Variants in RAE1 observed in about 807,000 individuals in gnomAD.
The protein encoded by RAE1 is ribonucleic acid export 1.
Under a neutral mutation model 52.7 loss-of-function variants are expected in RAE1, and 13 were observed. The observed-to-expected ratio is 0.25, with a 90% CI of 0.16 to 0.39. RAE1 has a LOEUF of 0.39. Among genes scored for constraint, RAE1 ranks in the 10% least tolerant of loss-of-function variants. RAE1 has a pLI of 1.00. For synonymous variants in RAE1, 164 were observed against 153.1 expected (o/e 1.07, Z -0.52); for missense variants, 262 against 459.8 (o/e 0.57, Z 3.93).
intron 11 of RAE1, among the ~76,000 whole-genome samples, chr20:57,376,054 C>T (rs1600730767): frequency 6.6e-6 from 1 of 152,354 alleles, no homozygotes; most frequent in East Asian, 1.9e-4. Flanking sequence ...TTGGTTCGGG[C>T]CCTGCCCGCT....
At chr20:57,355,910 A>G (rs1160082881) in intron 3 of RAE1, among the ~76,000 whole-genome samples, 2 of 152,236 alleles carry the variant, frequency 1.3e-5, no homozygotes, top group Non-Finnish European at 2.9e-5. Flanking sequence ...AGGTGAGGAA[A>G]GCTGTAGCTG....
At chr20:57,377,420 TGC>T (rs2067131760) in intron 11 of RAE1, among the ~76,000 whole-genome samples, 2 of 152,220 alleles carry the variant, frequency 1.3e-5, no homozygotes, top group African/African-American at 4.8e-5. Flanking sequence ...GGCCTCCCTC[TGC>T]CATTCACAGC....
At chr20:57,363,381 C>T (rs188306796) in intron 4 of RAE1, among the ~76,000 whole-genome samples, 6 of 152,222 alleles carry the variant, frequency 3.9e-5, no homozygotes, top group East Asian at 1.9e-4. Context: ...GGTTTGGTGG[C>T]GCACACCTGT....
intron 2 of RAE1, among the ~76,000 whole-genome samples, 164 bp downstream of exon 2, chr20:57,354,292 G>A (rs565809218): frequency 6.1e-4 from 93 of 152,316 alleles, no homozygotes; most frequent in Admixed American, 1.2e-3. Flanking sequence ...ATGTGTCCCC[G>A]TACTTGTGTC....
rs547875455 is a variant in RAE1, at chr20:57,361,066, C to T, written c.289-4290C>T. ...TAAGCTACATTAACTGTGTAGAATACTTAAGTGGAAAATTAAAGTATGAGA... is the reference window on the plus strand; with the variant it reads ...TAAGCTACATTAACTGTGTAGAATATTTAAGTGGAAAATTAAAGTATGAGA... On this transcript the variant is annotated intron_variant, in intron 4 of 11. Transcript: ENST00000395841. Among the ~76,000 whole-genome samples the T allele has an allele frequency of 2.0e-5, 3 of 151,334 alleles. No individual in the cohort carries two copies. The South Asian group carries it at 6.3e-4, about 32-fold the overall frequency.
intron 8 of RAE1, chr20:57,372,385 T>C (rs2067048935): frequency 6.6e-6 from 1 of 152,230 alleles, no homozygotes; most frequent in Admixed American, 6.5e-5. Context: ...GGCCTCTCCG[T>C]TGTTGAGAAC....
intron 11 of RAE1, among the ~76,000 whole-genome samples, chr20:57,377,446 C>G (rs2067132059): frequency 6.6e-6 from 1 of 152,216 alleles, no homozygotes; most frequent in Non-Finnish European, 1.5e-5. Flanking sequence ...GTAGTCTGGC[C>G]TCATCCTGAT....
chr20:57,355,760 G>A (rs1399576424), intron 3 of RAE1, among the ~76,000 whole-genome samples: 2 of 152,198 alleles, frequency 1.3e-5, no homozygotes, highest in Non-Finnish European at 2.9e-5. Context: ...CAGCACAGGG[G>A]CAGCAGGGGT....
chr20:57,367,754 AAAAG>A (rs1319544958), intron 7 of RAE1, among the ~76,000 whole-genome samples: 1 of 151,920 alleles, frequency 6.6e-6, no homozygotes, highest in African/African-American at 2.4e-5. Context: ...AAAAAAAAAA[AAAAG>A]GAAAGAAAAA....
chr20:57,351,919 G>A lies in RAE1; in HGVS notation c.-8+497G>A, dbSNP rs560616847. 146 of 985,472 alleles carry A rather than the reference G, an allele frequency of 1.5e-4. No individual in the cohort carries two copies. The African/African-American group carries it at 2.4e-3, about 16-fold the overall frequency. 61.0% of individuals were successfully genotyped at this position (985,472 alleles called of 1,614,324 possible). Reference sequence around the variant, plus strand: ...CCACCGTACAGGCAGTACTTCTCCAGGCAAGTAGTATTAAACACCAGCCGC... The same window carrying A: ...CCACCGTACAGGCAGTACTTCTCCAAGCAAGTAGTATTAAACACCAGCCGC... On this transcript the variant is annotated intron_variant, in intron 1 of 11. Transcript: ENST00000395841.
rs1227486788 is a variant in RAE1, at chr20:57,378,758, GA to G, written c.*660del. ...CAGATTTCCGAGTGACTCAAATGGG[GA>G]CTGTTACTTGTGCTGGGTGACAGGC... On this transcript the variant is annotated 3_prime_UTR_variant, in exon 12 of 12. Transcript: ENST00000395841. 6.6e-6 allele frequency: 1 copy of G among 152,236 alleles called. No individual in the cohort carries two copies. Among genetic ancestry groups the G allele is most frequent in the Non-Finnish European group, 1.5e-5 (1 of 68,066 alleles). The allele number at this position is 152,236 out of a possible 1,614,324, so 9.4% of individuals were successfully genotyped here.
intron 11 of RAE1, 56 bp from the exon 12 acceptor site, chr20:57,377,957 C>T: frequency 7.3e-7 from 1 of 1,375,828 alleles, no homozygotes; most frequent in Non-Finnish European, 1.0e-6. Context: ...AAAGCACCTA[C>T]AAATGCTAAC....
intron 11 of RAE1, among the ~76,000 whole-genome samples, 172 bp from the exon 12 acceptor site, chr20:57,377,841 T>A (rs1378588349): frequency 6.6e-6 from 1 of 152,150 alleles, no homozygotes; most frequent in African/African-American, 2.4e-5. Flanking sequence ...CTTAGGCCTT[T>A]CTCTGAGGAC....
At chr20:57,371,503 C>T (rs1262265457) in intron 8 of RAE1, 1 of 152,222 alleles carries the variant, frequency 6.6e-6, no homozygotes, top group African/African-American at 2.4e-5. Flanking sequence ...ACAAAAACCA[C>T]AGTGAGATAC....
At chr20:57,376,839 G>A (rs1412907965) in intron 11 of RAE1, among the ~76,000 whole-genome samples, 1 of 152,148 alleles carries the variant, frequency 6.6e-6, no homozygotes, top group African/African-American at 2.4e-5. Flanking sequence ...TACGTTATAC[G>A]CGTTAAAAAA....
intron 2 of RAE1, 58 bp from the exon 3 acceptor site, chr20:57,354,651 AAAC>A: frequency 7.9e-7 from 1 of 1,271,396 alleles, no homozygotes; most frequent in Non-Finnish European, 1.1e-6. Context: ...GTGAGAAAGA[AAAC>A]AATTTGGAAT....
intron 4 of RAE1, chr20:57,358,868 T>G (rs1032683929): frequency 9.7e-7 from 1 of 1,028,974 alleles, no homozygotes; most frequent in African/African-American, 1.7e-5. Flanking sequence ...ACCAAAATTT[T>G]TAATGCAGGG....
At chr20:57,358,023 A>G (rs1199488899) in intron 4 of RAE1, 4 of 152,234 alleles carry the variant, frequency 2.6e-5, no homozygotes, top group Non-Finnish European at 5.9e-5. Flanking sequence ...CATCCTGATC[A>G]TAGAATAGAT....
intron 4 of RAE1, among the ~76,000 whole-genome samples, chr20:57,360,796 T>A (rs2066880563): frequency 6.6e-6 from 1 of 152,184 alleles, no homozygotes; most frequent in Non-Finnish European, 1.5e-5. Context: ...TAAACTTCTG[T>A]TTATTACTAG....
Sources: allele counts gnomAD v4.1 joint callset (sites outside exome capture counted in the v4.1 genomes callset), GRCh38; gene constraint gnomAD v4.1.1; transcripts MANE v1.5; gene names NCBI Gene and HGNC (gene_info 2026-07-23, HGNC 2026-07-21).